HAUS4: variants seen among roughly 807,000 people sequenced by gnomAD.
HAUS4 encodes HAUS augmin like complex subunit 4.
A neutral mutation model predicts 50.6 loss-of-function variants in HAUS4; 34 were observed. That is an observed-to-expected ratio of 0.67 (90% CI 0.51 to 0.90). The LOEUF (loss-of-function observed/expected upper bound fraction) is 0.90. Ranked by LOEUF, HAUS4 falls within the 40% of genes least tolerant of loss-of-function variation. The pLI, the probability that HAUS4 is intolerant of heterozygous loss-of-function variation, is 0.00. For missense variants in HAUS4, 370 were observed against 428.7 expected (o/e 0.86, Z 1.21); for synonymous variants, 149 against 161.4 (o/e 0.92, Z 0.58).
At chr14:22,954,317 T>C (rs1229987651) in intron 2 of HAUS4, 1 of 152,190 alleles carries the variant, frequency 6.6e-6, no homozygotes, top group East Asian at 1.9e-4. Context: ...AAGAAATCTC[T>C]CTTTTTCCCT....
At chr14:22,952,919 T>C (rs544316230) in intron 2 of HAUS4, among the ~76,000 whole-genome samples, 6 of 152,288 alleles carry the variant, frequency 3.9e-5, no homozygotes, top group African/African-American at 1.4e-4. Flanking sequence ...ACTAAGATCT[T>C]AGGAAACGGA....
chr14:22,947,653 T>C lies in HAUS4; in HGVS notation c.787A>G (p.Ile263Val). The C allele has an allele frequency of 3.1e-6, 5 of 1,614,164 alleles. No individual in the cohort carries two copies. Among genetic ancestry groups the C allele is most frequent in the Non-Finnish European group, 4.2e-6 (5 of 1,180,026 alleles). ...RLKTQSELDR[I>V]NAQYLEVKCG... Reference sequence around the variant, plus strand: ...TTGACTTCCAGGTACTGGGCATTGATGCGGTCTAGCTCGGATTGAGTCTTC... The same window carrying C: ...TTGACTTCCAGGTACTGGGCATTGACGCGGTCTAGCTCGGATTGAGTCTTC... Residue 263 changes from isoleucine to valine, a missense_variant, in exon 8 of 10, where the codon ATC (isoleucine) becomes GTC (valine). Coordinates refer to ENST00000541587, the MANE Select transcript of HAUS4 (RefSeq NM_001166269.2).
At position 22,950,362 on chromosome 14, in the gene HAUS4, G is replaced by A; in HGVS notation, c.514C>T (p.Leu172Phe). 5 of 1,613,206 alleles carry A rather than the reference G, an allele frequency of 3.1e-6. No homozygotes were observed. Among genetic ancestry groups the A allele is most frequent in the Non-Finnish European group, 4.2e-6 (5 of 1,179,228 alleles). ...AGCAGAGTGAAACATTTCTTTTTGA[G>A]CTGCTCCTCTACTTCTTGCTGTAGC... ...ARLQQEVEEQ[L>F]KKKCFTLLCY... Residue 172 changes from leucine to phenylalanine, a missense_variant, in exon 6 of 10, where the codon CTC becomes TTC. Leu to Phe is a conservative substitution (Grantham distance 22). Transcript: ENST00000541587.
Position 22,950,386 on chromosome 14 carries a change from G to A in HAUS4, c.490C>T (p.Leu164=). ...AGCTGCTCCTCTACTTCTTGCTGTA[G>A]CCGAGCCCTCATCCACACAAAATCC... The part of the protein sequence containing the change: ...SEDFVWMRAR[L]QQEVEEQLKK... Residue 164 remains leucine (L), a synonymous_variant, in exon 6 of 10, where the codon CTA becomes TTA. Transcript: ENST00000541587. The A allele has an allele frequency of 6.2e-7, 1 of 1,612,400 alleles. No homozygotes were observed. Among genetic ancestry groups the A allele is most frequent in the Non-Finnish European group, 8.5e-7 (1 of 1,178,494 alleles).
rs762553157 is a variant in HAUS4, at chr14:22,946,581, G to C, written c.1036C>G (p.Gln346Glu). The C allele has an allele frequency of 6.2e-7, 1 of 1,614,004 alleles. No homozygotes were observed. Among genetic ancestry groups the C allele is most frequent in the Non-Finnish European group, 8.5e-7 (1 of 1,179,946 alleles). The change falls in exon 10 of 10, where the codon CAG becomes GAG. Residue 346 changes from glutamine to glutamate, a missense_variant. Transcript: ENST00000541587. ...RLVKEYTVLKQATENKRWALQ... is the reference protein window; with the variant it reads ...RLVKEYTVLKEATENKRWALQ... ...GCCCACCGCTTGTTCTCTGTTGCCT[G>C]CTTGAGTACGGTGTACTCTTTCACC...
Position 22,952,469 on chromosome 14 carries a change from C to A in HAUS4, c.199-10G>T, listed in dbSNP as rs1267750356. The A allele has an allele frequency of 6.2e-7, 1 of 1,612,636 alleles. No individual in the cohort carries two copies. Among genetic ancestry groups the A allele is most frequent in the Non-Finnish European group, 8.5e-7 (1 of 1,179,620 alleles). ...GAACTTCCTTCCATGCCTAGAAATC[C>A]AAAAAATCTCAGGTAGGAACCTCTC... On this transcript the variant is annotated splice_polypyrimidine_tract_variant and intron_variant, in intron 3 of 9. Transcript: ENST00000541587.
At chr14:22,948,458 G>T (rs1300790650) in intron 6 of HAUS4, among the ~76,000 whole-genome samples, 3 of 142,020 alleles carry the variant, frequency 2.1e-5, no homozygotes, top group Admixed American at 1.4e-4. Context: ...AAAAAGCGGG[G>T]GGGGGGAGGG....
At chr14:22,953,520 A>G (rs1369707593) in intron 2 of HAUS4, among the ~76,000 whole-genome samples, 4 of 152,222 alleles carry the variant, frequency 2.6e-5, no homozygotes, top group East Asian at 1.9e-4. Flanking sequence ...ATCTCGGCTC[A>G]CTGCAATTTC....
rs371900503 is a variant in HAUS4, at chr14:22,947,666, G to A, written c.774C>T (p.Ser258=). The change falls in exon 8 of 10, where the codon TCC becomes TCT. Residue 258 remains serine (S), a synonymous_variant. Coordinates refer to ENST00000541587, the MANE Select transcript of HAUS4 (RefSeq NM_001166269.2). ...LLQEHRLKTQ[S]ELDRINAQYL... ...ACTGGGCATTGATGCGGTCTAGCTCGGATTGAGTCTTCAGCCGGTGTTCTT... is the reference window on the plus strand; with the variant it reads ...ACTGGGCATTGATGCGGTCTAGCTCAGATTGAGTCTTCAGCCGGTGTTCTT... The A allele has an allele frequency of 7.3e-5, 118 of 1,613,980 alleles. 1 individual carries two copies. The highest frequency in any genetic ancestry group is 9.0e-5 in the Non-Finnish European group (106 of 1,179,984).
intron 9 of HAUS4, among the ~76,000 whole-genome samples, chr14:22,946,956 G>GT (rs1300271568): frequency 6.6e-6 from 1 of 151,838 alleles, no homozygotes; most frequent in African/African-American, 2.4e-5. Context: ...GCTAATTTTT[G>GT]TATTTTTTAG....
chr14:22,954,754 C>G, intron 2 of HAUS4: 3 of 138,156 alleles, frequency 2.2e-5, no homozygotes, highest in East Asian at 2.0e-4. Flanking sequence ...TTTTTGGAGT[C>G]TTGCTCTGTT....
At position 22,952,624 on chromosome 14, in the gene HAUS4, A is replaced by G; in HGVS notation, c.115T>C (p.Tyr39His). 1 of 1,613,806 alleles carries G rather than the reference A, an allele frequency of 6.2e-7. No homozygotes were observed. Among genetic ancestry groups the G allele is most frequent in the African/African-American group, 1.3e-5 (1 of 75,022 alleles). ...AGATTCAGGAGAAGCTTGCTGAAGT[A>G]TGGGTTCTGTAACAGGTCCTCTTTA... The part of the protein sequence containing the change: ...LSKEDLLQNP[Y>H]FSKLLLNLSQ... The change falls in exon 3 of 10, where the codon TAC (tyrosine) becomes CAC (histidine). Residue 39 changes from tyrosine to histidine, a missense_variant. Coordinates refer to ENST00000541587, the MANE Select transcript of HAUS4 (RefSeq NM_001166269.2).
intron 2 of HAUS4, among the ~76,000 whole-genome samples, chr14:22,953,484 T>G (rs2044796915): frequency 6.6e-6 from 1 of 151,376 alleles, no homozygotes; most frequent in South Asian, 2.1e-4. Context: ...TTGCTCTTGT[T>G]GCCCAGGCTG....
chr14:22,953,179 TC>T (rs1231651237), intron 2 of HAUS4, among the ~76,000 whole-genome samples: 1 of 152,068 alleles, frequency 6.6e-6, no homozygotes, highest in Non-Finnish European at 1.5e-5. Flanking sequence ...AGACAGGGTC[TC>T]ACTCTGTCAC....
Position 22,955,158 on chromosome 14 carries a change from AT to A in HAUS4, c.-5del, listed in dbSNP as rs1310964613. ...AGCAGAAATCCCCGGATGCCATTTG[AT>A]TTTCTTGGGATTCTAATCTGTGGAA... On this transcript the variant is annotated 5_prime_UTR_variant, in exon 2 of 10. Transcript: ENST00000541587. 6.2e-7 allele frequency: 1 copy of A among 1,608,286 alleles called. No homozygotes were observed. Among genetic ancestry groups the A allele is most frequent in the South Asian group, 1.1e-5 (1 of 90,948 alleles).
In HAUS4 at chr14:22,946,576, T is replaced by TG; in HGVS notation, c.1040dup (p.Thr348AsnfsTer34). On this transcript the variant is annotated frameshift_variant, in exon 10 of 10. Transcript: ENST00000541587. LOFTEE classifies it high-confidence loss of function. ...GGAGGGCCCACCGCTTGTTCTCTGT[T>TG]GCCTGCTTGAGTACGGTGTACTCTT... 13 of 1,614,086 alleles carry TG rather than the reference T, an allele frequency of 8.1e-6. No individual in the cohort carries two copies. Among genetic ancestry groups the TG allele is most frequent in the Non-Finnish European group, 8.5e-6 (10 of 1,179,994 alleles).
chr14:22,948,799 T>C (rs570483167), intron 6 of HAUS4, among the ~76,000 whole-genome samples: 176 of 152,016 alleles, frequency 1.2e-3, no homozygotes, highest in Non-Finnish European at 2.2e-3. Flanking sequence ...CCTCCCAAAG[T>C]GATGGTATTA....
intron 9 of HAUS4, 67 bp from the exon 10 acceptor site, chr14:22,946,775 G>T: frequency 5.6e-5 from 48 of 854,600 alleles, no homozygotes; most frequent in Non-Finnish European, 7.7e-5. Flanking sequence ...GGACAAAAAT[G>T]AAAAACTTTT....
chr14:22,956,801 T>C (rs1180762293), intron 1 of HAUS4, 115 bp downstream of exon 1: 1 of 153,892 alleles, frequency 6.5e-6, no homozygotes, highest in Non-Finnish European at 1.5e-5. Context: ...ACTTCCCTTC[T>C]GTCTGGGCGG....
Sources: allele counts gnomAD v4.1 joint callset (sites outside exome capture counted in the v4.1 genomes callset), GRCh38; gene constraint gnomAD v4.1.1; transcripts MANE v1.5; gene names NCBI Gene and HGNC (gene_info 2026-07-23, HGNC 2026-07-21).